The following ALKBH5 variants were observed in gnomAD, a reference collection of about 807,000 sequenced individuals.
ALKBH5 encodes the protein alkB homolog 5, RNA demethylase, also known as RNA demethylase ALKBH5.
A neutral mutation model predicts 32.1 loss-of-function variants in ALKBH5; 2 were observed. That is an observed-to-expected ratio of 0.06 (90% confidence interval 0.03 to 0.20). ALKBH5 has a LOEUF of 0.20. ALKBH5 is among the 10% of genes least tolerant of loss of function. The pLI is 1.00. For synonymous variants in ALKBH5, 300 were observed against 231.7 expected, an observed-to-expected ratio of 1.29 and a Z score of -2.68; for missense variants, 352 against 559.5, an observed-to-expected ratio of 0.63 and a Z score of 3.74.
intron 1 of ALKBH5, among the ~76,000 whole-genome samples, chr17:18,191,383 G>T (rs1406725646): frequency 6.6e-6 from 1 of 152,160 alleles, no homozygotes; most frequent in African/African-American, 2.4e-5. Context: ...GGCCTGTGCA[G>T]CCCTACCTCC....
At chr17:18,197,092 C>T (rs2047208622) in intron 2 of ALKBH5, among the ~76,000 whole-genome samples, 1 of 152,132 alleles carries the variant, frequency 6.6e-6, no homozygotes, top group Non-Finnish European at 1.5e-5. Flanking sequence ...TGCCACTTTG[C>T]CAAGTCAAAA....
In ALKBH5 at chr17:18,184,185, G is replaced by A; in HGVS notation, c.-59G>A. The A allele has an allele frequency of 2.1e-6, 3 of 1,418,142 alleles. No individual in the cohort carries two copies. The highest frequency in any genetic ancestry group is 2.7e-5 in the South Asian group (2 of 73,792). The allele number at this position is 1,418,142 out of a possible 1,614,324, so 87.8% of individuals were successfully genotyped here. On this transcript the variant is annotated 5_prime_UTR_variant, in exon 1 of 4. Transcript: ENST00000399138. ...GGGGGCCCCGGGGCGCGTCCCCTTA[G>A]AGCCATGCCCGGCTGCCCCGCCCGC... is the stretch of plus-strand genomic sequence containing the variant.
At position 18,201,775 on chromosome 17, in the gene ALKBH5, A is replaced by ATAGATAGATAGATAGG. The variant is rs1214928957; in HGVS notation, c.852-5029_852-5028insATAGGTAGATAGATAG. 8.6e-3 allele frequency among the ~76,000 whole-genome samples: 1,216 copies of ATAGATAGATAGATAGG among 141,644 alleles called. 22 individuals are homozygous for ATAGATAGATAGATAGG. Among genetic ancestry groups the ATAGATAGATAGATAGG allele is most frequent in the East Asian group, 0.027 (112 of 4,224 alleles). The allele number at this position is 141,644 out of a possible 152,430, so 92.9% of individuals were successfully genotyped here. The stretch of plus-strand genomic sequence containing the variant: ...GATAGATAGATAGATAGATAGATAG[A>ATAGATAGATAGATAGG]TAGATAGATAGGATAGATAAGATAG... On this transcript the variant is annotated intron_variant, in intron 2 of 3. Transcript: ENST00000399138.
Position 18,198,949 on chromosome 17 carries a change from C to T in ALKBH5, c.851+3914C>T, listed in dbSNP as rs1426606865. 4.8e-4 allele frequency among the ~76,000 whole-genome samples: 73 copies of T among 152,136 alleles called. 1 individual carries two copies. The highest frequency in any genetic ancestry group is 4.8e-3 in the Admixed American group (73 of 15,272). The stretch of plus-strand genomic sequence containing the variant: ...GTAAATGGCTGAGTGACACCTGGAA[C>T]CTGGGTCTTGTGGTTCGTTGGTGGT... On this transcript the variant is annotated intron_variant, in intron 2 of 3. Coordinates refer to ENST00000399138, the MANE Select transcript of ALKBH5 (RefSeq NM_017758.4).
chr17:18,207,143 C>G (rs1216453292), intron 3 of ALKBH5, among the ~76,000 whole-genome samples, 173 bp downstream of exon 3: 3 of 152,298 alleles, frequency 2.0e-5, no homozygotes, highest in South Asian at 4.1e-4. Flanking sequence ...CTAACCCTGG[C>G]CAACTGCCTG....
rs1051509790 is a variant in ALKBH5 at position 18,184,595 on chromosome 17, C to T, written c.352C>T (p.Leu118=). 5.0e-6 allele frequency: 8 copies of T among 1,613,324 alleles called. No individual in the cohort carries two copies. Among genetic ancestry groups the T allele is most frequent in the African/African-American group, 1.3e-5 (1 of 75,066 alleles). The change falls in exon 1 of 4, where the codon CTG becomes TTG. Residue 118 remains leucine (L), a synonymous_variant. Coordinates refer to ENST00000399138, the MANE Select transcript of ALKBH5 (RefSeq NM_017758.4). ...GGTGGTGTCCCGCGCTGAGAAGGGCCTGTACAACGAGCACACGGTGGACCG... is the reference window on the plus strand; with the variant it reads ...GGTGGTGTCCCGCGCTGAGAAGGGCTTGTACAACGAGCACACGGTGGACCG... ...DEVVSRAEKG[L]YNEHTVDRAP...
At chr17:18,198,128 T>A (rs1172269489) in intron 2 of ALKBH5, among the ~76,000 whole-genome samples, 2 of 152,212 alleles carry the variant, frequency 1.3e-5, no homozygotes, top group Non-Finnish European at 2.9e-5. Context: ...TCGTTCAGAT[T>A]GACCATTTTG....
chr17:18,189,949 G>C (rs2047163938), intron 1 of ALKBH5, among the ~76,000 whole-genome samples: 1 of 152,178 alleles, frequency 6.6e-6, no homozygotes, highest in African/African-American at 2.4e-5. Flanking sequence ...TTGGAGGCTT[G>C]GGTCTGGTAA....
rs201927060 is a variant in ALKBH5, at chr17:18,208,508, GT to G, written c.*120del. 5.6e-5 allele frequency: 67 copies of G among 1,196,258 alleles called. No homozygotes were observed. Among genetic ancestry groups the G allele is most frequent in the Admixed American group, 1.3e-4 (6 of 44,844 alleles). The allele number at this position is 1,196,258 out of a possible 1,614,324, so 74.1% of individuals were successfully genotyped here. A position where few individuals can be genotyped will look rare whatever the true frequency, so the allele number is the denominator to read the frequency against. On this transcript the variant is annotated 3_prime_UTR_variant, in exon 4 of 4. Coordinates refer to ENST00000399138, the MANE Select transcript of ALKBH5 (RefSeq NM_017758.4). Reference sequence around the variant, plus strand: ...GGGGGGTTTTTGTTTTTTGTTTTTTGTTTTTTTTGATTCTATATATTTTTCC... The same window carrying G: ...GGGGGGTTTTTGTTTTTTGTTTTTTGTTTTTTTGATTCTATATATTTTTCC...
At chr17:18,204,964 C>T (rs1033797950) in intron 2 of ALKBH5, among the ~76,000 whole-genome samples, 1 of 151,840 alleles carries the variant, frequency 6.6e-6, no homozygotes. Context: ...GCAGGAGGAT[C>T]CCTTAAGCCT....
intron 2 of ALKBH5, among the ~76,000 whole-genome samples, chr17:18,203,966 C>G (rs2047255975): frequency 6.6e-6 from 1 of 152,192 alleles, no homozygotes; most frequent in Admixed American, 6.5e-5. Flanking sequence ...TTTTGGGGCA[C>G]ACAGGGGCCT....
At position 18,184,221 on chromosome 17, in the gene ALKBH5, C is replaced by T. The variant is rs1305724925; in HGVS notation, c.-23C>T. The T allele has an allele frequency of 1.3e-6, 2 of 1,497,620 alleles. No homozygotes were observed. The highest frequency in any genetic ancestry group is 2.4e-5 in the Admixed American group (1 of 42,320). 92.8% of individuals were successfully genotyped at this position (1,497,620 alleles called of 1,614,324 possible). ...GGCTGCCCCGCCCGCCCCGGAGGACCCTAGAGCAGCGTCGTGGGGGCCATG... is the reference window on the plus strand; with the variant it reads ...GGCTGCCCCGCCCGCCCCGGAGGACTCTAGAGCAGCGTCGTGGGGGCCATG... On this transcript the variant is annotated 5_prime_UTR_variant, in exon 1 of 4. Coordinates refer to ENST00000399138, the MANE Select transcript of ALKBH5 (RefSeq NM_017758.4).
intron 1 of ALKBH5, among the ~76,000 whole-genome samples, chr17:18,186,599 C>T (rs1300387348): frequency 6.6e-6 from 1 of 152,114 alleles, no homozygotes; most frequent in Non-Finnish European, 1.5e-5. Flanking sequence ...AACACATGCC[C>T]ACCCTGTATT....
intron 2 of ALKBH5, among the ~76,000 whole-genome samples, chr17:18,197,917 G>A (rs1035175242): frequency 3.3e-5 from 5 of 152,172 alleles, no homozygotes; most frequent in Non-Finnish European, 5.9e-5. Flanking sequence ...AGCTGAGCTG[G>A]GGAAGTGCAC....
chr17:18,192,704 T>C (rs1031279007), intron 1 of ALKBH5, among the ~76,000 whole-genome samples: 1 of 152,208 alleles, frequency 6.6e-6, no homozygotes, highest in Non-Finnish European at 1.5e-5. Context: ...ATAGGTATTA[T>C]GAGAGAAGGT....
At chr17:18,199,610 T>C (rs1344041983) in intron 2 of ALKBH5, among the ~76,000 whole-genome samples, 1 of 152,140 alleles carries the variant, frequency 6.6e-6, no homozygotes, top group Non-Finnish European at 1.5e-5. Flanking sequence ...GGAATGGCCT[T>C]TGAGCAGGGA....
intron 1 of ALKBH5, among the ~76,000 whole-genome samples, chr17:18,190,786 A>G (rs1472464844): frequency 1.3e-5 from 2 of 152,164 alleles, no homozygotes; most frequent in Admixed American, 1.3e-4. Flanking sequence ...TGGAATAGCA[A>G]AGAGGCATGA....
Position 18,206,944 on chromosome 17 carries a change from C to T in ALKBH5, c.981C>T (p.Arg327=). The T allele has an allele frequency of 6.2e-7, 1 of 1,614,260 alleles. No individual in the cohort carries two copies. The highest frequency in any genetic ancestry group is 8.5e-7 in the Non-Finnish European group (1 of 1,180,050). ...CTCTGAAACCCAAGCGGTCCCACCG[C>T]AAGGCAGACCCTGATGCTGCCCACA... ...DPALKPKRSH[R]KADPDAAHRP... is the part of the protein sequence containing the mutation. The change falls in exon 3 of 4, where the codon CGC becomes CGT. Residue 327 remains arginine, a synonymous_variant. Coordinates refer to ENST00000399138, the MANE Select transcript of ALKBH5 (RefSeq NM_017758.4).
At chr17:18,190,060 G>A (rs1597836801) in intron 1 of ALKBH5, among the ~76,000 whole-genome samples, 1 of 152,220 alleles carries the variant, frequency 6.6e-6, no homozygotes, top group Admixed American at 6.5e-5. Context: ...TGTCAGTAAG[G>A]CAGGTAGCCA....
Sources: allele counts gnomAD v4.1 joint callset (sites outside exome capture counted in the v4.1 genomes callset), GRCh38; gene constraint gnomAD v4.1.1; transcripts MANE v1.5; gene names NCBI Gene and HGNC (gene_info 2026-07-23, HGNC 2026-07-21).